Variants in RBFOX1 observed in about 807,000 individuals in gnomAD.
RBFOX1 encodes RNA binding fox-1 homolog 1, also known as RNA binding protein fox-1 homolog 1.
A neutral mutation model predicts 57.7 loss-of-function variants in RBFOX1; 8 were observed. The observed-to-expected ratio is 0.14, with a 90% CI of 0.08 to 0.25. The LOEUF is 0.25. RBFOX1 is among the 10% of genes least tolerant of loss of function. The pLI, the probability that RBFOX1 is intolerant of heterozygous loss-of-function variation, is 1.00. For synonymous variants in RBFOX1, 326 were observed against 222.4 expected, an observed-to-expected ratio of 1.47 and a Z score of -4.15; for missense variants, 611 against 548.5, an observed-to-expected ratio of 1.11 and a Z score of -1.14.
rs377109773 is a variant in RBFOX1, at chr16:5,933,527, C to T, written c.351+66192C>T. On this transcript the variant is annotated intron_variant, in intron 4 of 19. Transcript: ENST00000641259. ...TTCCTGATGTGAAAAACGGATGCTC[C>T]TGCAGGGAAAAGTGACTTAGGAACA... Among the ~76,000 whole-genome samples the T allele has an allele frequency of 1.7e-4, 26 of 152,300 alleles. 1 individual carries two copies. In the South Asian group the frequency reaches 3.7e-3, roughly 22 times the overall value.
intron 2 of RBFOX1, among the ~76,000 whole-genome samples, chr16:6,365,340 A>C (rs752994957): frequency 2.8e-4 from 42 of 149,634 alleles, no homozygotes; most frequent in Non-Finnish European, 6.0e-4. Flanking sequence ...GGGTGGATGG[A>C]TGGATGGATG....
chr16:7,121,014 A>G (rs146204513), intron 4 of RBFOX1, among the ~76,000 whole-genome samples: 1 of 151,988 alleles, frequency 6.6e-6, no homozygotes, highest in Non-Finnish European at 1.5e-5. Context: ...AAACTAACAC[A>G]TGACCCTGTA....
rs185164941 is a variant in RBFOX1, at chr16:6,947,177, T to A, written c.-15-104880T>A. ...GGTCCAATAAATCACTGGCTGTGAT[T>A]TCAACTCTTTATGTGAAGGATGCAG... On this transcript the variant is annotated intron_variant, in intron 3 of 15. Transcript: ENST00000550418. Among the ~76,000 whole-genome samples the A allele has an allele frequency of 2.0e-3, 312 of 152,276 alleles. 2 individuals are homozygous for A. The highest frequency in any genetic ancestry group is 0.013 in the South Asian group (61 of 4,824).
chr16:5,253,252 C>T (rs561045174), intron 1 of RBFOX1, among the ~76,000 whole-genome samples: 2 of 152,006 alleles, frequency 1.3e-5, no homozygotes, highest in Admixed American at 6.5e-5. Flanking sequence ...CGGGTTCAAG[C>T]GATTCTCCTG....
Position 5,500,212 on chromosome 16 carries a change from ATTCCG to A in RBFOX1, c.258+32973_258+32977del, listed in dbSNP as rs113875675. ...CCCTCCCTTCATTCCATTCCATTGCATTCCGTTCCGTTCCGTTCCATTCCATTCCA... is the reference window on the plus strand; with the variant it reads ...CCCTCCCTTCATTCCATTCCATTGCATTCCGTTCCGTTCCATTCCATTCCA... On this transcript the variant is annotated intron_variant, in intron 2 of 2. Transcript: ENST00000585867. 7.4e-5 allele frequency among the ~76,000 whole-genome samples: 10 copies of A among 134,566 alleles called. No individual in the cohort carries two copies. The South Asian group carries it at 9.5e-4, about 13-fold the overall frequency. The allele number at this position is 134,566 out of a possible 152,430, so 88.3% of individuals were successfully genotyped here.
At chr16:6,510,225 C>T (rs1245479160) in intron 2 of RBFOX1, among the ~76,000 whole-genome samples, 1 of 152,132 alleles carries the variant, frequency 6.6e-6, no homozygotes, top group Non-Finnish European at 1.5e-5. Flanking sequence ...TCTCATGTGG[C>T]TGGCATTGAA....
chr16:5,589,580 A>G (rs1310050633), intron 2 of RBFOX1, among the ~76,000 whole-genome samples: 2 of 152,278 alleles, frequency 1.3e-5, no homozygotes, highest in African/African-American at 4.8e-5. Flanking sequence ...TAACCCTCAC[A>G]CTATTCTACG....
In RBFOX1 at chr16:5,934,844, G is replaced by A. The variant is rs910363978; in HGVS notation, c.351+67509G>A. ...CAGTGAAAGAGCAGGGCAGGGGACC[G>A]GGCCACTCACAGAAAGAGTTGTGGC... is the stretch of plus-strand genomic sequence containing the variant. On this transcript the variant is annotated intron_variant, in intron 4 of 19. Coordinates refer to the RBFOX1 transcript ENST00000641259. 5.3e-5 allele frequency among the ~76,000 whole-genome samples: 8 copies of A among 152,172 alleles called. No individual in the cohort carries two copies. In the East Asian group the frequency reaches 9.6e-4, roughly 18 times the overall value.
intron 1 of RBFOX1, among the ~76,000 whole-genome samples, chr16:6,107,467 G>A (rs2096395150): frequency 6.6e-6 from 1 of 152,100 alleles, no homozygotes; most frequent in South Asian, 2.1e-4. Context: ...GGAGATGTCG[G>A]ATGATAAATT....
chr16:5,655,398 C>T (rs759526557), intron 3 of RBFOX1, among the ~76,000 whole-genome samples: 45 of 152,186 alleles, frequency 3.0e-4, no homozygotes, highest in Non-Finnish European at 2.5e-4. Context: ...CTTTCTCCTG[C>T]TCCTTGGAGG....
intron 3 of RBFOX1, among the ~76,000 whole-genome samples, chr16:6,808,160 A>ATGTGTGTGTGTGTGTGTGTGTGTGTG (rs373756020): frequency 1.4e-5 from 2 of 140,098 alleles, no homozygotes; most frequent in African/African-American, 5.5e-5. Flanking sequence ...TACCTTATAT[A>ATGTGTGTGTGTGTGTGTGTGTGTGTG]TGTGTGTGTG....
At chr16:6,251,067 A>G (rs1403932063) in intron 1 of RBFOX1, among the ~76,000 whole-genome samples, 2 of 152,162 alleles carry the variant, frequency 1.3e-5, no homozygotes, top group Non-Finnish European at 2.9e-5. Flanking sequence ...AAACAGCAGT[A>G]CCACTTAATG....
chr16:7,457,739 A>G (rs1210256403), intron 4 of RBFOX1, among the ~76,000 whole-genome samples: 1 of 152,104 alleles, frequency 6.6e-6, no homozygotes, highest in African/African-American at 2.4e-5. Context: ...GACATCTAAA[A>G]ACGTTTATCT....
chr16:5,560,513 G>A (rs532671845), intron 2 of RBFOX1, among the ~76,000 whole-genome samples: 2 of 152,282 alleles, frequency 1.3e-5, no homozygotes, highest in African/African-American at 2.4e-5. Flanking sequence ...CTCTAGGAGG[G>A]CAAGGCCCCT....
chr16:5,307,967 C>A (rs191668890), intron 1 of RBFOX1, among the ~76,000 whole-genome samples: 1 of 152,136 alleles, frequency 6.6e-6, no homozygotes, highest in Non-Finnish European at 1.5e-5. Flanking sequence ...CTTGAACCAC[C>A]GTGCCTGACT....
At chr16:6,973,831 A>C (rs11861242) in intron 3 of RBFOX1, among the ~76,000 whole-genome samples, 118,805 of 151,958 alleles carry the variant, frequency 0.78, 46,739 homozygotes, top group African/African-American at 0.87. Context: ...AGGTTTGTTA[A>C]ACAGGTAAAC....
At chr16:7,570,109 G>A (rs2092619133) in intron 5 of RBFOX1, among the ~76,000 whole-genome samples, 1 of 150,440 alleles carries the variant, frequency 6.6e-6, no homozygotes, top group Non-Finnish European at 1.5e-5. Context: ...ATGATAGCAT[G>A]TTGAAATAAT....
intron 1 of RBFOX1, among the ~76,000 whole-genome samples, chr16:6,149,165 T>A (rs2096780111): frequency 6.6e-6 from 1 of 152,254 alleles, no homozygotes; most frequent in Non-Finnish European, 1.5e-5. Flanking sequence ...TTTGGGGGCC[T>A]CCTTAATTTT....
At chr16:7,108,364 G>A (rs1158370800) in intron 4 of RBFOX1, among the ~76,000 whole-genome samples, 1 of 152,114 alleles carries the variant, frequency 6.6e-6, no homozygotes, top group African/African-American at 2.4e-5. Context: ...TTTGCTTCCT[G>A]AATAATTTGA....
Sources: allele counts gnomAD v4.1 joint callset (sites outside exome capture counted in the v4.1 genomes callset), GRCh38; gene constraint gnomAD v4.1.1; transcripts MANE v1.5; gene names NCBI Gene and HGNC (gene_info 2026-07-23, HGNC 2026-07-21).